The following NUBPL variants were observed in gnomAD, a reference collection of about 807,000 sequenced individuals.
NUBPL encodes the protein iron-sulfur cluster transfer protein NUBPL.
A neutral mutation model predicts 45.7 loss-of-function variants in NUBPL; 31 were observed. The ratio of observed to expected loss-of-function variants is 0.68; its 90% CI spans 0.51 to 0.92. The LOEUF is 0.92. Ranked by LOEUF, NUBPL falls within the 40% of genes least tolerant of loss-of-function variation. The pLI is 0.00. For synonymous variants in NUBPL, 144 were observed against 140.9 expected (o/e 1.02, Z -0.15); for missense variants, 401 against 398.7 (o/e 1.01, Z -0.05).
At chr14:31,638,099 AT>A (rs2035562036) in intron 4 of NUBPL, among the ~76,000 whole-genome samples, 6 of 151,440 alleles carry the variant, frequency 4.0e-5, no homozygotes, top group Admixed American at 2.0e-4. Flanking sequence ...TTTAAAGTTA[AT>A]ATTGTTATGT....
intron 6 of NUBPL, among the ~76,000 whole-genome samples, chr14:31,676,053 G>C (rs1246366967): frequency 2.0e-5 from 3 of 150,342 alleles, no homozygotes; most frequent in African/African-American, 7.4e-5. Context: ...ACAGAGTTTA[G>C]CTCTTGTTGC....
At chr14:31,843,086 T>C (rs2040401390) in intron 8 of NUBPL, among the ~76,000 whole-genome samples, 3 of 152,182 alleles carry the variant, frequency 2.0e-5, no homozygotes, top group Non-Finnish European at 4.4e-5. Flanking sequence ...CACTCCTCTG[T>C]ATTGCATCGT....
intron 4 of NUBPL, among the ~76,000 whole-genome samples, chr14:31,638,721 T>C (rs1211029812): frequency 6.6e-6 from 1 of 152,202 alleles, no homozygotes; most frequent in African/African-American, 2.4e-5. Flanking sequence ...CACTTTCAGG[T>C]ACACCAATCA....
At chr14:31,672,527 A>G (rs1462677702) in intron 4 of NUBPL, among the ~76,000 whole-genome samples, 1 of 152,146 alleles carries the variant, frequency 6.6e-6, no homozygotes, top group African/African-American at 2.4e-5. Context: ...CAGTGGCACA[A>G]TGTGGGCTCA....
In NUBPL at chr14:31,780,312, A is replaced by G. The variant is rs200043979; in HGVS notation, c.514-7468A>G. 6.8e-4 allele frequency among the ~76,000 whole-genome samples: 103 copies of G among 150,566 alleles called. 2 individuals are homozygous for G. The South Asian group carries it at 0.021, about 31-fold the overall frequency. ...CTGTGAACTCCTGACCTCGTGATCC[A>G]CCCTCCTTGGCCTCCCAGAATGCTG... On this transcript the variant is annotated intron_variant, in intron 6 of 10. Transcript: ENST00000281081.
At chr14:31,655,477 C>A (rs562221772) in intron 4 of NUBPL, among the ~76,000 whole-genome samples, 57 of 152,290 alleles carry the variant, frequency 3.7e-4, no homozygotes, top group African/African-American at 1.3e-3. Flanking sequence ...CTTTGGGAGG[C>A]TGATGCGGGT....
chr14:31,600,139 C>T (rs1263641864), intron 4 of NUBPL, among the ~76,000 whole-genome samples: 1 of 152,006 alleles, frequency 6.6e-6, no homozygotes, highest in African/African-American at 2.4e-5. Context: ...TCAGGCTAGT[C>T]TTGAACTCCT....
At chr14:31,844,577 A>G (rs949790505) in intron 8 of NUBPL, 3 of 152,094 alleles carry the variant, frequency 2.0e-5, no homozygotes, top group East Asian at 3.9e-4. Flanking sequence ...TCTTTTTACT[A>G]TTTGTCTTCA....
At position 31,622,693 on chromosome 14, in the gene NUBPL, G is replaced by A. The variant is rs889510758; in HGVS notation, c.382+23314G>A. ...TCTTGGCAGCTTCCACATGCTGTTG[G>A]GCCTGCAAGTGCTCAGAAGACAAGA... On this transcript the variant is annotated intron_variant, in intron 4 of 10. Transcript: ENST00000281081. 4.6e-5 allele frequency among the ~76,000 whole-genome samples: 7 copies of A among 152,208 alleles called. No homozygotes were observed. The East Asian group carries it at 1.4e-3, about 29-fold the overall frequency.
chr14:31,602,752 A>G (rs1429034663), intron 4 of NUBPL, among the ~76,000 whole-genome samples: 1 of 152,190 alleles, frequency 6.6e-6, no homozygotes, highest in Admixed American at 6.5e-5. Context: ...GTCTCTTTAT[A>G]TTAAATGTGT....
intron 3 of NUBPL, among the ~76,000 whole-genome samples, chr14:31,590,905 AT>A (rs1273411647): frequency 6.6e-6 from 1 of 152,146 alleles, no homozygotes; most frequent in Non-Finnish European, 1.5e-5. Flanking sequence ...ACAGACCAAG[AT>A]TTAAAGTTTT....
At chr14:31,780,923 G>A (rs1334466604) in intron 6 of NUBPL, among the ~76,000 whole-genome samples, 2 of 152,162 alleles carry the variant, frequency 1.3e-5, no homozygotes, top group African/African-American at 2.4e-5. Context: ...ATGGCTTAAA[G>A]GAAATTCAAC....
In NUBPL at chr14:31,850,206, G is replaced by A; in HGVS notation, c.897+5G>A. On this transcript the variant is annotated splice_donor_5th_base_variant and intron_variant, in intron 10 of 10. Transcript: ENST00000281081. The stretch of plus-strand genomic sequence containing the variant: ...TCACAGCCTGAAAGTGATGAGGTAA[G>A]TTCCATTTTTGGATACATATTTTTA... 1 of 1,610,026 alleles carries A rather than the reference G, an allele frequency of 6.2e-7. No homozygotes were observed. The highest frequency in any genetic ancestry group is 8.5e-7 in the Non-Finnish European group (1 of 1,176,378).
At chr14:31,704,680 T>C (rs965471217) in intron 6 of NUBPL, among the ~76,000 whole-genome samples, 5 of 151,908 alleles carry the variant, frequency 3.3e-5, no homozygotes, top group Admixed American at 6.6e-5. Flanking sequence ...AAAAAAAGTG[T>C]AATCCTTCTC....
At chr14:31,857,967 A>T (rs148903003) in intron 10 of NUBPL, among the ~76,000 whole-genome samples, 1 of 152,258 alleles carries the variant, frequency 6.6e-6, no homozygotes, top group African/African-American at 2.4e-5. Context: ...ACTGGTACCA[A>T]CTTACCGTAA....
chr14:31,588,908 C>G (rs1024703358), intron 3 of NUBPL, among the ~76,000 whole-genome samples: 1 of 90,078 alleles, frequency 1.1e-5, no homozygotes, highest in African/African-American at 2.9e-5. Context: ...AGTGAGACTC[C>G]GTCTCAAAAA....
intron 4 of NUBPL, among the ~76,000 whole-genome samples, chr14:31,644,343 C>G (rs989069082): frequency 2.6e-5 from 4 of 151,904 alleles, no homozygotes; most frequent in African/African-American, 7.2e-5. Flanking sequence ...TTTTGGTATG[C>G]TGTATTTTCC....
At chr14:31,837,554 A>G (rs1273970129) in intron 8 of NUBPL, among the ~76,000 whole-genome samples, 4 of 152,154 alleles carry the variant, frequency 2.6e-5, no homozygotes, top group Non-Finnish European at 4.4e-5. Context: ...GAAAGAAAAG[A>G]AGAAGTTAAT....
Position 31,850,119 on chromosome 14 carries a change from G to A in NUBPL, c.815G>A (p.Gly272Glu). The stretch of plus-strand genomic sequence containing the variant: ...ATGGATGTCTGCTGGGCTCTTTTAG[G>A]AGACATTCCCTTACACCTTAATATA... ...LAQTLGLEVL[G>E]DIPLHLNIRE... Residue 272 changes from glycine (G) to glutamate (E), a missense_variant and splice_region_variant, in exon 10 of 11, where the codon GGA (glycine) becomes GAA (glutamate). Gly to Glu is a moderately conservative substitution (Grantham distance 98, BLOSUM62 -2). Transcript: ENST00000281081. 2 of 1,612,700 alleles carry A rather than the reference G, an allele frequency of 1.2e-6. No homozygotes were observed. Among genetic ancestry groups the A allele is most frequent in the Non-Finnish European group, 1.7e-6 (2 of 1,178,792 alleles).
Sources: allele counts gnomAD v4.1 joint callset (sites outside exome capture counted in the v4.1 genomes callset), GRCh38; gene constraint gnomAD v4.1.1; transcripts MANE v1.5; gene names NCBI Gene and HGNC (gene_info 2026-07-23, HGNC 2026-07-21).